The following GADL1 variants were observed in gnomAD, a reference collection of about 807,000 sequenced individuals.
GADL1 encodes the protein acidic amino acid decarboxylase GADL1.
Under a neutral mutation model 69.5 loss-of-function variants are expected in GADL1, and 71 were observed. The observed-to-expected ratio is 1.02, with a 90% CI of 0.84 to 1.25. The LOEUF (loss-of-function observed/expected upper bound fraction) is 1.25, where lower values mean the gene tolerates loss of function less well. Ranked by LOEUF, GADL1 falls within the 50% of genes most tolerant of loss-of-function variation. The probability of loss-of-function intolerance (pLI) is 0.00; values close to 1 mark genes in which losing one functional copy is unlikely to be tolerated. For synonymous variants in GADL1, 254 were observed against 214.4 expected, an observed-to-expected ratio of 1.18 and a Z score of -1.62; for missense variants, 737 against 631.8, an observed-to-expected ratio of 1.17 and a Z score of -1.79.
chr3:30,834,755 A>G (rs1400700592), intron 9 of GADL1, among the ~76,000 whole-genome samples: 2 of 152,058 alleles, frequency 1.3e-5, no homozygotes, highest in Non-Finnish European at 2.9e-5. Flanking sequence ...GTTAATGAAA[A>G]ATTAGATCAT....
intron 1 of GADL1, among the ~76,000 whole-genome samples, chr3:30,875,474 G>C (rs892311511): frequency 1.3e-5 from 2 of 151,864 alleles, no homozygotes; most frequent in Non-Finnish European, 2.9e-5. Flanking sequence ...AGGCAGACAA[G>C]ACTGTTCAGT....
rs771239228 is a variant in GADL1, at chr3:30,728,228, G to A, written c.*14C>T. On this transcript the variant is annotated 3_prime_UTR_variant, in exon 15 of 15. Coordinates refer to ENST00000282538, the MANE Select transcript of GADL1 (RefSeq NM_207359.3). ...CAGGATAGGATCTATGCCTCTGGGG[G>A]ACCAAAGCCACAGCTACATGTCTTT... is the stretch of plus-strand genomic sequence containing the variant. The A allele has an allele frequency of 2.4e-5, 39 of 1,610,582 alleles. 1 individual carries two copies. The South Asian group carries it at 4.1e-4, about 17-fold the overall frequency.
rs527707756 is a variant in GADL1 at position 30,847,256 on chromosome 3, A to G, written c.651+2740T>C. 3.3e-5 allele frequency among the ~76,000 whole-genome samples: 5 copies of G among 152,302 alleles called. No homozygotes were observed. The East Asian group carries it at 7.7e-4, about 24-fold the overall frequency. On this transcript the variant is annotated intron_variant, in intron 6 of 14. Coordinates refer to ENST00000282538, the MANE Select transcript of GADL1 (RefSeq NM_207359.3). ...CTTTGTCATGACCTTGCAGGTCTTT[A>G]TCAATAGTAAAATTACAATAAAAGC...
At chr3:30,764,843 G>T (rs942202943) in intron 14 of GADL1, among the ~76,000 whole-genome samples, 6 of 151,994 alleles carry the variant, frequency 3.9e-5, no homozygotes, top group Admixed American at 3.3e-4. Flanking sequence ...GTTGACTAAA[G>T]CAAGCTCTGC....
intron 14 of GADL1, among the ~76,000 whole-genome samples, chr3:30,755,087 G>A (rs887455474): frequency 2.6e-5 from 4 of 152,114 alleles, no homozygotes; most frequent in Admixed American, 6.5e-5. Flanking sequence ...GGACAACGCA[G>A]TGCTTCACAT....
intron 13 of GADL1, among the ~76,000 whole-genome samples, chr3:30,786,068 C>A (rs1010929984): frequency 1.3e-5 from 2 of 152,144 alleles, no homozygotes; most frequent in African/African-American, 4.8e-5. Context: ...TACAATCATG[C>A]AATTTATATA....
At chr3:30,823,177 G>A (rs145313744) in intron 11 of GADL1, among the ~76,000 whole-genome samples, 189 of 152,024 alleles carry the variant, frequency 1.2e-3, no homozygotes, top group Admixed American at 3.5e-3. Flanking sequence ...GGAACTCAGG[G>A]AGGTAAGCTA....
At chr3:30,816,108 G>A (rs185609046) in intron 11 of GADL1, among the ~76,000 whole-genome samples, 1 of 152,260 alleles carries the variant, frequency 6.6e-6, no homozygotes, top group East Asian at 1.9e-4. Flanking sequence ...CATGAGAACA[G>A]GTAAGGGAGC....
intron 11 of GADL1, among the ~76,000 whole-genome samples, 176 bp from the exon 12 acceptor site, chr3:30,801,264 C>T (rs948738785): frequency 6.6e-6 from 1 of 152,144 alleles, no homozygotes; most frequent in Non-Finnish European, 1.5e-5. Context: ...ACACATTACC[C>T]ATGGTGTTAC....
At chr3:30,859,863 C>T (rs1390907498) in intron 2 of GADL1, among the ~76,000 whole-genome samples, 4 of 151,958 alleles carry the variant, frequency 2.6e-5, no homozygotes, top group East Asian at 1.9e-4. Context: ...TCCAACTTCC[C>T]GTGGGTAGCC....
intron 2 of GADL1, among the ~76,000 whole-genome samples, chr3:30,857,527 G>T (rs2125535274): frequency 1.3e-5 from 2 of 152,100 alleles, no homozygotes; most frequent in Admixed American, 1.3e-4. Context: ...ATTTGGTATG[G>T]CTTGAACATG....
In GADL1 at chr3:30,877,012, T is replaced by G. The variant is rs1698585093; in HGVS notation, c.38-15247A>C. Among the ~76,000 whole-genome samples the G allele has an allele frequency of 2.0e-5, 3 of 151,902 alleles. No individual in the cohort carries two copies. In the South Asian group the frequency reaches 6.2e-4, roughly 31 times the overall value. ...TGAAAAATCTAACAAATACCTATTA[T>G]TTTTTGAATCCCAATGGACCAGAAA... On this transcript the variant is annotated intron_variant, in intron 1 of 14. Coordinates refer to ENST00000282538, the MANE Select transcript of GADL1 (RefSeq NM_207359.3).
intron 1 of GADL1, among the ~76,000 whole-genome samples, chr3:30,894,336 C>A (rs1015129460): frequency 6.6e-6 from 1 of 152,216 alleles, no homozygotes; most frequent in African/African-American, 2.4e-5. Context: ...ATTTAACAAA[C>A]GCCCGTTATG....
intron 14 of GADL1, among the ~76,000 whole-genome samples, chr3:30,751,049 A>G (rs1575183466): frequency 6.6e-6 from 1 of 152,198 alleles, no homozygotes; most frequent in East Asian, 1.9e-4. Flanking sequence ...CATAAACAAA[A>G]GAACAACAGG....
chr3:30,770,193 C>T (rs1575196077), intron 14 of GADL1, among the ~76,000 whole-genome samples: 1 of 152,202 alleles, frequency 6.6e-6, no homozygotes. Context: ...ATTTATGCTA[C>T]TTGTCTAGCT....
At chr3:30,749,957 A>G (rs1695776859) in intron 14 of GADL1, among the ~76,000 whole-genome samples, 2 of 152,170 alleles carry the variant, frequency 1.3e-5, no homozygotes, top group African/African-American at 2.4e-5. Flanking sequence ...AATGGAAAAG[A>G]GTGCTTTGGG....
intron 11 of GADL1, among the ~76,000 whole-genome samples, chr3:30,811,936 C>A (rs1342253665): frequency 6.6e-6 from 1 of 152,160 alleles, no homozygotes; most frequent in African/African-American, 2.4e-5. Flanking sequence ...GGATTGGAAA[C>A]CACTGTTCTG....
intron 8 of GADL1, 131 bp downstream of exon 8, chr3:30,844,079 C>A: frequency 1.4e-6 from 1 of 692,112 alleles, no homozygotes; most frequent in Non-Finnish European, 2.5e-6. Flanking sequence ...CATTCTCTCT[C>A]CTCTCTCCCA....
intron 14 of GADL1, among the ~76,000 whole-genome samples, chr3:30,739,649 T>G (rs1221905821): frequency 3.3e-5 from 5 of 152,186 alleles, no homozygotes; most frequent in Non-Finnish European, 5.9e-5. Flanking sequence ...CTAAAACACC[T>G]TGGTATTTCA....
Sources: allele counts gnomAD v4.1 joint callset (sites outside exome capture counted in the v4.1 genomes callset), GRCh38; gene constraint gnomAD v4.1.1; transcripts MANE v1.5; gene names NCBI Gene and HGNC (gene_info 2026-07-23, HGNC 2026-07-21).